Variants in EDIL3 observed in about 807,000 individuals in gnomAD.
EDIL3 encodes the protein EGF-like repeat and discoidin I-like domain-containing protein 3.
EDIL3 carries 37 observed loss-of-function variants against 67.4 expected under a neutral mutation model. The ratio of observed to expected loss-of-function variants is 0.55; its 90% CI spans 0.42 to 0.72. The LOEUF is 0.72. Among genes scored for constraint, EDIL3 ranks in the 30% least tolerant of loss-of-function variants. EDIL3 has a pLI of 0.00. For missense variants in EDIL3, 527 were observed against 586.3 expected (o/e 0.90, Z 1.04); for synonymous variants, 195 against 196.3 (o/e 0.99, Z 0.05).
chr5:83,996,226 C>T (rs1450769142), intron 9 of EDIL3, among the ~76,000 whole-genome samples: 1 of 152,156 alleles, frequency 6.6e-6, no homozygotes, highest in Non-Finnish European at 1.5e-5. Flanking sequence ...AGACTCATTA[C>T]AGTGTTGAGT....
At chr5:84,110,616 A>G (rs1455280918) in intron 5 of EDIL3, among the ~76,000 whole-genome samples, 1 of 152,192 alleles carries the variant, frequency 6.6e-6, no homozygotes, top group Admixed American at 6.5e-5. Flanking sequence ...TTGAAATAAT[A>G]CTTCAAGAAA....
intron 4 of EDIL3, among the ~76,000 whole-genome samples, chr5:84,151,915 T>C (rs1428445529): frequency 6.6e-6 from 1 of 151,556 alleles, no homozygotes; most frequent in Non-Finnish European, 1.5e-5. Flanking sequence ...CTTCTTTTTT[T>C]TTTTTTTCTT....
chr5:83,942,438 A>ATATT lies in EDIL3; in HGVS notation c.*977_*980dup, dbSNP rs1744240995. 6.6e-6 allele frequency: 1 copy of ATATT among 152,020 alleles called. No individual in the cohort carries two copies. 9.4% of individuals were successfully genotyped at this position (152,020 alleles called of 1,614,324 possible). ...GGCCAAACTATGCAGCACTATATTA[A>ATATT]TATTTCTTTGCTAAATTTTTTATAA... On this transcript the variant is annotated 3_prime_UTR_variant, in exon 11 of 11. Coordinates refer to ENST00000296591, the MANE Select transcript of EDIL3 (RefSeq NM_005711.5).
intron 4 of EDIL3, 126 bp from the exon 5 acceptor site, chr5:84,137,480 T>C: frequency 1.4e-6 from 1 of 725,214 alleles, no homozygotes; most frequent in Non-Finnish European, 2.2e-6. Flanking sequence ...TGTAGGCATG[T>C]GTGTGTTTAG....
intron 6 of EDIL3, among the ~76,000 whole-genome samples, chr5:84,070,538 A>G (rs1746720243): frequency 6.6e-6 from 1 of 152,176 alleles, no homozygotes; most frequent in Non-Finnish European, 1.5e-5. Flanking sequence ...ACAAGCATAT[A>G]AAGATAATTT....
chr5:84,031,373 A>G (rs1745920461), intron 9 of EDIL3, among the ~76,000 whole-genome samples: 1 of 152,214 alleles, frequency 6.6e-6, no homozygotes, highest in South Asian at 2.1e-4. Flanking sequence ...GCTAAATTCA[A>G]AAAGATGGAT....
intron 9 of EDIL3, among the ~76,000 whole-genome samples, chr5:84,016,660 T>C (rs936275171): frequency 2.0e-5 from 3 of 152,232 alleles, no homozygotes; most frequent in African/African-American, 7.2e-5. Context: ...GTATAAATCA[T>C]CTTCATGCTA....
chr5:84,234,485 AAC>A (rs1744641922), intron 2 of EDIL3, among the ~76,000 whole-genome samples: 1 of 152,184 alleles, frequency 6.6e-6, no homozygotes. Context: ...ACGATACTAT[AAC>A]ACTTAAGTTT....
At chr5:83,975,693 G>T (rs1425524205) in intron 9 of EDIL3, among the ~76,000 whole-genome samples, 2 of 151,780 alleles carry the variant, frequency 1.3e-5, no homozygotes, top group African/African-American at 4.8e-5. Context: ...TATTATAAGT[G>T]TTTAAGGATC....
intron 4 of EDIL3, among the ~76,000 whole-genome samples, chr5:84,157,956 A>G (rs1013842449): frequency 6.6e-5 from 10 of 152,238 alleles, no homozygotes; most frequent in East Asian, 1.9e-4. Flanking sequence ...GAAATTTTCT[A>G]GACAATGATA....
intron 1 of EDIL3, among the ~76,000 whole-genome samples, chr5:84,277,496 C>A (rs1024870383): frequency 2.6e-5 from 4 of 152,288 alleles, no homozygotes; most frequent in Non-Finnish European, 5.9e-5. Context: ...ATATTAAGAA[C>A]TGCATTTATT....
intron 4 of EDIL3, among the ~76,000 whole-genome samples, chr5:84,176,297 T>C (rs1489415500): frequency 2.6e-5 from 2 of 78,226 alleles, no homozygotes; most frequent in East Asian, 7.1e-4. Context: ...ATATAAAATA[T>C]ATTTCCATAT....
At chr5:84,329,610 T>G (rs1580081459) in intron 1 of EDIL3, among the ~76,000 whole-genome samples, 2 of 152,254 alleles carry the variant, frequency 1.3e-5, no homozygotes, top group South Asian at 2.1e-4. Flanking sequence ...TTACTGTGTT[T>G]GATATTTCGT....
chr5:84,232,223 C>G (rs1459709283), intron 2 of EDIL3, among the ~76,000 whole-genome samples: 1 of 152,120 alleles, frequency 6.6e-6, no homozygotes, highest in Non-Finnish European at 1.5e-5. Flanking sequence ...GTTAGCTGGA[C>G]TTAAGCATAA....
chr5:84,139,758 C>T (rs1437887952), intron 4 of EDIL3, among the ~76,000 whole-genome samples: 1 of 151,876 alleles, frequency 6.6e-6, no homozygotes, highest in African/African-American at 2.4e-5. Context: ...TCTGAAGGAC[C>T]CACATAAGCA....
At chr5:84,334,170 G>A (rs929132265) in intron 1 of EDIL3, among the ~76,000 whole-genome samples, 24 of 151,296 alleles carry the variant, frequency 1.6e-4, no homozygotes, top group African/African-American at 3.6e-4. Context: ...GGGTTCAAGC[G>A]GGAGCCTTAG....
Position 84,077,113 on chromosome 5 carries a change from A to G in EDIL3, c.652-10507T>C, listed in dbSNP as rs188683355. Among the ~76,000 whole-genome samples, 29 of 152,350 alleles carry G rather than the reference A, an allele frequency of 1.9e-4. No homozygotes were observed. The East Asian group carries it at 5.4e-3, about 28-fold the overall frequency. On this transcript the variant is annotated intron_variant, in intron 6 of 10. Transcript: ENST00000296591. ...TCTTTTTTTACTCATAAGTGTGTAA[A>G]ATAGAGATAAATACAATGATGACTA...
chr5:84,358,874 T>C (rs1271824997), intron 1 of EDIL3, among the ~76,000 whole-genome samples: 3 of 152,158 alleles, frequency 2.0e-5, no homozygotes, highest in Non-Finnish European at 4.4e-5. Context: ...CCTTCCAAAA[T>C]GCTGGGATTA....
chr5:84,174,491 A>T (rs992518559), intron 4 of EDIL3, among the ~76,000 whole-genome samples: 2 of 152,204 alleles, frequency 1.3e-5, no homozygotes, highest in Non-Finnish European at 2.9e-5. Flanking sequence ...TTTCCATTGC[A>T]TTAATGATAT....
Sources: gnomAD v4.1 joint callset for allele counts (sites outside exome capture counted in the v4.1 genomes callset) on GRCh38, gnomAD v4.1.1 for gene constraint, MANE v1.5 for transcripts, NCBI Gene and HGNC (gene_info 2026-07-23, HGNC 2026-07-21) for gene names.